Variants in DNAH11 observed in about 807,000 individuals in gnomAD.
DNAH11 encodes axonemal beta dynein heavy chain 11.
DNAH11 carries 442 observed loss-of-function variants against 526.0 expected under a neutral mutation model. The observed-to-expected ratio is 0.84, with a 90% CI of 0.78 to 0.91. The LOEUF is 0.91. Among genes scored for constraint, DNAH11 ranks in the 40% least tolerant of loss-of-function variants. The pLI is 0.00. For synonymous variants in DNAH11, 2,461 were observed against 1,935.9 expected (o/e 1.27, Z -7.12); for missense variants, 6,989 against 5,448.7 (o/e 1.28, Z -8.90).
At chr7:21,582,868 T>C (rs1374115734) in intron 9 of DNAH11, among the ~76,000 whole-genome samples, 1 of 152,152 alleles carries the variant, frequency 6.6e-6, no homozygotes, top group East Asian at 1.9e-4. Context: ...TTAAAAGATA[T>C]TGTTTGATTT....
intron 25 of DNAH11, among the ~76,000 whole-genome samples, chr7:21,633,116 A>G (rs1201158029): frequency 6.6e-6 from 1 of 152,206 alleles, no homozygotes. Context: ...TGAGAACTGT[A>G]TGGGAAAGAC....
chr7:21,562,347 A>G (rs1783496566), intron 5 of DNAH11, among the ~76,000 whole-genome samples: 1 of 152,186 alleles, frequency 6.6e-6, no homozygotes, highest in Non-Finnish European at 1.5e-5. Flanking sequence ...TGGGGGCAAG[A>G]TTTCTCCTGG....
chr7:21,828,205 T>A (rs1790390812), intron 65 of DNAH11, among the ~76,000 whole-genome samples: 2 of 152,294 alleles, frequency 1.3e-5, no homozygotes, highest in Admixed American at 1.3e-4. Flanking sequence ...CTCCTCGGTC[T>A]CCCAAAGTGC....
rs72657334 is a variant in DNAH11, at chr7:21,687,418, G to A, written c.5815G>A (p.Gly1939Arg). Reference sequence around the variant, plus strand: ...TATCTATAAGGGATTGGTGCAGACAGGAGCTTGGGGCTGCTTTGATGAGTT... The same window carrying A: ...TATCTATAAGGGATTGGTGCAGACAAGAGCTTGGGGCTGCTTTGATGAGTT... ...GNIYKGLVQT[G>R]AWGCFDEFNR... Residue 1939 changes from glycine (G) to arginine (R), a missense_variant, in exon 34 of 82, where the codon GGA (glycine) becomes AGA (arginine). Transcript: ENST00000409508. 8.7e-6 allele frequency: 14 copies of A among 1,613,870 alleles called. No homozygotes were observed. Among genetic ancestry groups the A allele is most frequent in the Non-Finnish European group, 1.2e-5 (14 of 1,179,930 alleles).
At chr7:21,812,647 T>A (rs575819924) in intron 63 of DNAH11, among the ~76,000 whole-genome samples, 1 of 152,064 alleles carries the variant, frequency 6.6e-6, no homozygotes, top group East Asian at 1.9e-4. Flanking sequence ...GAGTGAGACC[T>A]TATTTCAAAA....
intron 74 of DNAH11, among the ~76,000 whole-genome samples, chr7:21,877,874 C>CAAAAAAAA (rs59694030): frequency 2.7e-4 from 18 of 66,606 alleles, no homozygotes; most frequent in East Asian, 9.5e-4. Flanking sequence ...GACTCCATCT[C>CAAAAAAAA]AAAAAAAAAA....
intron 51 of DNAH11, among the ~76,000 whole-genome samples, chr7:21,745,998 A>G (rs140260267): frequency 1.3e-5 from 2 of 152,344 alleles, no homozygotes; most frequent in African/African-American, 4.8e-5. Flanking sequence ...AAATATAACA[A>G]AAATGGAGAG....
At chr7:21,719,986 T>TC (rs1485574175) in intron 43 of DNAH11, among the ~76,000 whole-genome samples, 1 of 152,184 alleles carries the variant, frequency 6.6e-6, no homozygotes, top group African/African-American at 2.4e-5. Flanking sequence ...GCAGCCGCAT[T>TC]CCCCTCATTG....
chr7:21,805,479 G>A (rs1040921731), intron 62 of DNAH11, among the ~76,000 whole-genome samples: 1 of 152,034 alleles, frequency 6.6e-6, no homozygotes, highest in Non-Finnish European at 1.5e-5. Context: ...AAATTCTGGA[G>A]CCTTTTGAAG....
intron 25 of DNAH11, among the ~76,000 whole-genome samples, chr7:21,634,150 A>T (rs1786750402): frequency 6.6e-6 from 1 of 152,350 alleles, no homozygotes; most frequent in South Asian, 2.1e-4. Context: ...GAGAGATGAC[A>T]CTTATTATTG....
intron 25 of DNAH11, among the ~76,000 whole-genome samples, chr7:21,630,743 TAC>T (rs1315359994): frequency 1.3e-5 from 2 of 152,216 alleles, no homozygotes; most frequent in Non-Finnish European, 2.9e-5. Context: ...TTTGTTGCTT[TAC>T]GATTCTCTGT....
intron 29 of DNAH11, among the ~76,000 whole-genome samples, chr7:21,656,490 G>T (rs938398802): frequency 9.9e-5 from 15 of 152,138 alleles, no homozygotes; most frequent in African/African-American, 3.4e-4. Context: ...ATTACCATGT[G>T]CACAGAGTTA....
At chr7:21,705,679 C>G (rs1784236610) in intron 39 of DNAH11, 142 bp downstream of exon 39, 1 of 734,654 alleles carries the variant, frequency 1.4e-6, no homozygotes, top group African/African-American at 1.7e-5. Context: ...AGACTGGAAT[C>G]TTGCTGCTTG....
intron 7 of DNAH11, chr7:21,570,549 G>A (rs565295085): frequency 6.2e-6 from 2 of 320,888 alleles, no homozygotes; most frequent in Non-Finnish European, 1.1e-5. Flanking sequence ...ATCTCTTTAT[G>A]TATCAGTGAC....
chr7:21,712,571 A>G (rs923601905), intron 42 of DNAH11, among the ~76,000 whole-genome samples: 1 of 152,202 alleles, frequency 6.6e-6, no homozygotes, highest in Non-Finnish European at 1.5e-5. Context: ...AGCCATGCTA[A>G]TGGGCATGAG....
rs1454193670 is a variant in DNAH11 at position 21,852,578 on chromosome 7, C to A, written c.11008C>A (p.Leu3670Met). 1.2e-6 allele frequency: 2 copies of A among 1,609,964 alleles called. No homozygotes were observed. The highest frequency in any genetic ancestry group is 3.4e-5 in the Admixed American group (2 of 59,196). ...AEGSFLDDTKLVERLEATKTT... is the reference protein window; with the variant it reads ...AEGSFLDDTKMVERLEATKTT... ...GGGAAGCTTTCTGGATGACACCAAACTGGTAGAGAGATTGGAGGCAACAAA... is the reference window on the plus strand; with the variant it reads ...GGGAAGCTTTCTGGATGACACCAAAATGGTAGAGAGATTGGAGGCAACAAA... The change falls in exon 67 of 82, where the codon CTG (leucine) becomes ATG (methionine). Residue 3670 changes from leucine to methionine, a missense_variant. Leu to Met is a conservative substitution (Grantham distance 15). Coordinates refer to ENST00000409508, the MANE Select transcript of DNAH11 (RefSeq NM_001277115.2).
At chr7:21,665,399 T>G (rs1178143886) in intron 30 of DNAH11, among the ~76,000 whole-genome samples, 2 of 152,176 alleles carry the variant, frequency 1.3e-5, no homozygotes, top group African/African-American at 4.8e-5. Context: ...ACATGTTACA[T>G]GTATTTTTAT....
intron 37 of DNAH11, chr7:21,703,889 T>C (rs1204403402): frequency 6.6e-6 from 1 of 152,208 alleles, no homozygotes; most frequent in Non-Finnish European, 1.5e-5. Context: ...TAGTACTAGG[T>C]CAAGATTTTC....
chr7:21,890,839 C>T (rs932591588), intron 76 of DNAH11, among the ~76,000 whole-genome samples: 1 of 152,142 alleles, frequency 6.6e-6, no homozygotes, highest in African/African-American at 2.4e-5. Context: ...CAACTTCTTC[C>T]TTCCCATATT....
Sources: allele counts gnomAD v4.1 joint callset (sites outside exome capture counted in the v4.1 genomes callset), GRCh38; gene constraint gnomAD v4.1.1; transcripts MANE v1.5; gene names NCBI Gene and HGNC (gene_info 2026-07-23, HGNC 2026-07-21).